USP32: variants seen among roughly 807,000 people sequenced by gnomAD.
The protein encoded by USP32 is ubiquitin carboxyl-terminal hydrolase 32.
Under a neutral mutation model 204.8 loss-of-function variants are expected in USP32, and 59 were observed. The observed-to-expected ratio is 0.29, with a 90% confidence interval of 0.23 to 0.36. The LOEUF is 0.36. Among genes scored for constraint, USP32 ranks in the 10% least tolerant of loss-of-function variants. The pLI, the probability that USP32 is intolerant of heterozygous loss-of-function variation, is 1.00. For synonymous variants in USP32, 517 were observed against 678.4 expected (o/e 0.76, Z 3.70); for missense variants, 1,160 against 1,946.4 (o/e 0.60, Z 7.60).
At chr17:60,273,221 C>A (rs1050503576) in intron 5 of USP32, among the ~76,000 whole-genome samples, 4 of 152,162 alleles carry the variant, frequency 2.6e-5, no homozygotes, top group African/African-American at 9.7e-5. Flanking sequence ...GATCTGTCTG[C>A]CTCGGCCTCC....
chr17:60,371,381 A>G (rs1258671728), intron 1 of USP32, among the ~76,000 whole-genome samples: 1 of 152,064 alleles, frequency 6.6e-6, no homozygotes, highest in East Asian at 1.9e-4. Flanking sequence ...AGCCTGGCCA[A>G]TGTGGTGAAA....
chr17:60,255,209 A>G lies in USP32; in HGVS notation c.1040T>C (p.Val347Ala). 6.2e-7 allele frequency: 1 copy of G among 1,613,736 alleles called. No homozygotes were observed. ...GAGGTTCAAAAACTCATTGGCAAGA[A>G]CATTTTTCACACTCCAGATCTGATA... ...EDYQIWSVKN[V>A]LANEFLNLLF... Residue 347 changes from valine (V) to alanine (A), a missense_variant, in exon 10 of 34, where the codon GTT becomes GCT. Physicochemically the swap from Val to Ala is moderately conservative, Grantham distance 64. Around this residue, in one of 8 missense-constraint regions of USP32, gnomAD observed 536 missense variants for 680.9 expected, o/e 0.79. Transcript: ENST00000300896.
intron 1 of USP32, among the ~76,000 whole-genome samples, chr17:60,399,971 T>TC (rs2089924140): frequency 6.6e-6 from 1 of 152,082 alleles, no homozygotes; most frequent in African/African-American, 2.4e-5. Flanking sequence ...AGATCTGTCA[T>TC]CTTTTTTTTT....
intron 12 of USP32, among the ~76,000 whole-genome samples, chr17:60,234,264 C>T (rs139560058): frequency 2.0e-5 from 3 of 151,528 alleles, no homozygotes; most frequent in Non-Finnish European, 4.4e-5. Flanking sequence ...TAGGCGCCTG[C>T]CACCATGCCC....
chr17:60,302,510 C>T (rs1328969941), intron 2 of USP32, among the ~76,000 whole-genome samples: 1 of 152,168 alleles, frequency 6.6e-6, no homozygotes, highest in African/African-American at 2.4e-5. Flanking sequence ...TATGAAATGC[C>T]TTTTCAACTC....
chr17:60,305,775 G>A (rs564628719), intron 2 of USP32, among the ~76,000 whole-genome samples: 1 of 152,256 alleles, frequency 6.6e-6, no homozygotes, highest in South Asian at 2.1e-4. Context: ...AAGCAGTGAG[G>A]GTAAAATTAA....
intron 1 of USP32, among the ~76,000 whole-genome samples, chr17:60,381,752 G>A (rs1274322998): frequency 5.3e-5 from 8 of 152,004 alleles, no homozygotes; most frequent in African/African-American, 1.5e-4. Flanking sequence ...TATTACTTAC[G>A]TAAACTGTAC....
intron 1 of USP32, among the ~76,000 whole-genome samples, chr17:60,361,418 T>C (rs574327443): frequency 9.6e-4 from 146 of 152,306 alleles, no homozygotes; most frequent in Non-Finnish European, 1.7e-3. Flanking sequence ...TTTCATTATA[T>C]AACATTAGTA....
chr17:60,206,795 C>T (rs2084838867), intron 25 of USP32, among the ~76,000 whole-genome samples: 1 of 152,082 alleles, frequency 6.6e-6, no homozygotes, highest in South Asian at 2.1e-4. Flanking sequence ...GATCTGAATT[C>T]CAAGGGTATA....
intron 1 of USP32, among the ~76,000 whole-genome samples, chr17:60,401,266 A>T (rs2089933149): frequency 6.6e-6 from 1 of 151,946 alleles, no homozygotes; most frequent in Non-Finnish European, 1.5e-5. Context: ...GCTACTCAGG[A>T]GGCTGAGGCA....
At chr17:60,301,429 T>C (rs767882612) in intron 3 of USP32, 170 bp downstream of exon 3, 7 of 483,986 alleles carry the variant, frequency 1.4e-5, no homozygotes, top group Admixed American at 8.6e-5. Flanking sequence ...TAATTTTAAT[T>C]TATATTTCTC....
intron 13 of USP32, among the ~76,000 whole-genome samples, chr17:60,223,991 A>G (rs1048234307): frequency 6.6e-6 from 1 of 152,224 alleles, no homozygotes; most frequent in Non-Finnish European, 1.5e-5. Flanking sequence ...TCACTAAATT[A>G]AAAGAAAACT....
intron 16 of USP32, among the ~76,000 whole-genome samples, chr17:60,217,800 C>CAATCATAGCTCACCACAACCTTGA (rs2145547856): frequency 6.6e-6 from 1 of 152,136 alleles, no homozygotes; most frequent in African/African-American, 2.4e-5. Flanking sequence ...TATGGTGGCA[C>CAATCATAGCTCACCACAACCTTGA]AATCATAGCT....
chr17:60,342,192 G>A (rs1350942997), intron 2 of USP32, among the ~76,000 whole-genome samples: 2 of 152,158 alleles, frequency 1.3e-5, no homozygotes, highest in Non-Finnish European at 2.9e-5. Flanking sequence ...GGAATTTGCT[G>A]GAGGTCCACT....
At chr17:60,372,195 T>C (rs1377224856) in intron 1 of USP32, among the ~76,000 whole-genome samples, 2 of 152,108 alleles carry the variant, frequency 1.3e-5, no homozygotes, top group Non-Finnish European at 2.9e-5. Flanking sequence ...GAATACAAAG[T>C]GGTCTCCTCT....
chr17:60,367,473 C>T (rs1021838748), intron 1 of USP32, among the ~76,000 whole-genome samples: 8 of 152,076 alleles, frequency 5.3e-5, no homozygotes, highest in African/African-American at 1.9e-4. Flanking sequence ...CATGCCACTG[C>T]ACTCTAGCTG....
chr17:60,420,335 A>C (rs2090100641), intron 1 of USP32, among the ~76,000 whole-genome samples: 1 of 152,046 alleles, frequency 6.6e-6, no homozygotes, highest in South Asian at 2.1e-4. Context: ...TAATGTTTTT[A>C]ATGATGTTAT....
Position 60,209,967 on chromosome 17 carries a change from G to C in USP32, c.2425-424C>G, listed in dbSNP as rs2084917992. ...ACATAACATATGCATAAAATAATGT[G>C]TATATAATAATACATAACATGTATA... On this transcript the variant is annotated intron_variant, in intron 21 of 33. Transcript: ENST00000300896. Among the ~76,000 whole-genome samples the C allele has an allele frequency of 2.6e-5, 4 of 151,862 alleles. No homozygotes were observed. In the South Asian group the frequency reaches 8.3e-4, roughly 32 times the overall value.
chr17:60,391,599 T>C (rs1295212199), intron 1 of USP32, among the ~76,000 whole-genome samples: 1 of 152,186 alleles, frequency 6.6e-6, no homozygotes, highest in African/African-American at 2.4e-5. Context: ...AGGACTTCCC[T>C]GGACACATCC....
Sources: gnomAD v4.1 joint callset for allele counts (sites outside exome capture counted in the v4.1 genomes callset) on GRCh38, gnomAD v4.1.1 for gene constraint, gnomAD v4.1.1 regional missense constraint, MANE v1.5 for transcripts, NCBI Gene and HGNC (gene_info 2026-07-23, HGNC 2026-07-21) for gene names.